The following ZNF423 variants were observed in gnomAD, a reference collection of about 807,000 sequenced individuals.
The protein encoded by ZNF423 is Ebf-associated zinc finger protein.
In ZNF423, 12 loss-of-function variants were observed where a neutral mutation model predicts 95.8. That is an observed-to-expected ratio of 0.13 (90% CI 0.08 to 0.20). The LOEUF is 0.20. ZNF423 is among the 10% of genes least tolerant of loss of function. The pLI, the probability that ZNF423 is intolerant of heterozygous loss-of-function variation, is 1.00. For missense variants in ZNF423, 1,316 were observed against 1,737.1 expected, an observed-to-expected ratio of 0.76 and a Z score of 4.31; for synonymous variants, 749 against 711.9, an observed-to-expected ratio of 1.05 and a Z score of -0.83.
chr16:49,725,594 G>C (rs929110254), intron 3 of ZNF423, among the ~76,000 whole-genome samples: 3 of 152,140 alleles, frequency 2.0e-5, no homozygotes, highest in Non-Finnish European at 2.9e-5. Flanking sequence ...TGAGAAACAC[G>C]TGAAAGACAA....
At chr16:49,731,429 C>T (rs2033165373) in intron 2 of ZNF423, 4 of 957,892 alleles carry the variant, frequency 4.2e-6, no homozygotes, top group Non-Finnish European at 5.0e-6. Context: ...AGGGCAGTGA[C>T]GTTGGCTCAG....
intron 7 of ZNF423, among the ~76,000 whole-genome samples, chr16:49,491,550 T>TGC (rs1257728078): frequency 1.3e-5 from 2 of 149,598 alleles, no homozygotes; most frequent in Non-Finnish European, 3.0e-5. Context: ...GGCTTTTTTT[T>TGC]TTTTTTTTTT....
intron 1 of ZNF423, among the ~76,000 whole-genome samples, chr16:49,852,469 CAG>C (rs995473036): frequency 6.6e-6 from 1 of 152,242 alleles, no homozygotes; most frequent in African/African-American, 2.4e-5. Flanking sequence ...TGTTGAGTGA[CAG>C]AGAGAACTGC....
chr16:49,652,038 C>T (rs1032302681), intron 3 of ZNF423, among the ~76,000 whole-genome samples: 1 of 152,082 alleles, frequency 6.6e-6, no homozygotes, highest in East Asian at 1.9e-4. Flanking sequence ...AGATGGAGCC[C>T]AACGCTCTCA....
rs1034708547 is a variant in ZNF423, at chr16:49,638,477, A to T, written c.699T>A (p.Thr233=). The T allele has an allele frequency of 1.2e-6, 2 of 1,613,648 alleles. No homozygotes were observed. The highest frequency in any genetic ancestry group is 1.7e-5 in the Admixed American group (1 of 60,000). Residue 233 remains threonine, a synonymous_variant, in exon 4 of 8, where the codon ACT becomes ACA. Coordinates refer to ENST00000563137, the MANE Select transcript of ZNF423 (RefSeq NM_001379286.1). The surrounding 1 kb of genome is among the most constrained non-coding windows in gnomAD (Gnocchi z 5.6). ...TGGAGGAGAAGCCGCGCTTGCACAC[A>T]GTGCACTTGAAGGGCTTGCTGGAGC... ...THSSSKPFKC[T]VCKRGFSSTS...
chr16:49,651,983 C>T (rs1973425292), intron 3 of ZNF423, among the ~76,000 whole-genome samples: 1 of 152,208 alleles, frequency 6.6e-6, no homozygotes, highest in Admixed American at 6.5e-5. Flanking sequence ...ATTTACAATC[C>T]CAGGACATCA....
intron 2 of ZNF423, 40 bp downstream of exon 2, chr16:49,789,447 G>A: frequency 6.3e-7 from 1 of 1,594,172 alleles, no homozygotes; most frequent in Non-Finnish European, 8.5e-7. Flanking sequence ...CCAGCCCCCA[G>A]GACCCCCTGC....
chr16:49,783,564 G>A (rs963184630), intron 2 of ZNF423, among the ~76,000 whole-genome samples: 1 of 141,848 alleles, frequency 7.0e-6, no homozygotes, highest in Non-Finnish European at 1.5e-5. Flanking sequence ...GGCTGAAATG[G>A]GTGGGAAAGA....
intron 3 of ZNF423, among the ~76,000 whole-genome samples, chr16:49,646,300 T>C (rs1005260877): frequency 2.0e-5 from 3 of 152,168 alleles, no homozygotes; most frequent in Non-Finnish European, 4.4e-5. Flanking sequence ...ATGATCCAAA[T>C]TGAGCTCAAG....
chr16:49,541,719 G>T (rs1348998854), intron 5 of ZNF423, among the ~76,000 whole-genome samples: 1 of 152,128 alleles, frequency 6.6e-6, no homozygotes, highest in Admixed American at 6.5e-5. Flanking sequence ...AATCATGGGG[G>T]CAGTTCCCCC....
At chr16:49,845,599 G>A (rs2035236970) in intron 1 of ZNF423, among the ~76,000 whole-genome samples, 1 of 151,976 alleles carries the variant, frequency 6.6e-6, no homozygotes. Flanking sequence ...GGAACACAGT[G>A]GCATGATCAT....
chr16:49,719,665 A>G (rs893967421), intron 3 of ZNF423, among the ~76,000 whole-genome samples: 7 of 152,014 alleles, frequency 4.6e-5, no homozygotes, highest in Admixed American at 2.6e-4. Context: ...CCCTCACCCT[A>G]TCTCTCCTGA....
Position 49,638,215 on chromosome 16 carries a change from G to A in ZNF423, c.961C>T (p.His321Tyr). Reference protein sequence around the residue: ...VFVDENTLLAHIHQAHANQKH... With the variant: ...VFVDENTLLAYIHQAHANQKH... The stretch of plus-strand genomic sequence containing the variant: ...TGGTTGGCGTGGGCTTGGTGGATAT[G>A]GGCGAGCAGTGTGTTCTCGTCGACG... Residue 321 changes from histidine to tyrosine, a missense_variant, in exon 4 of 8, where the codon CAT becomes TAT. His to Tyr is a moderately conservative substitution (Grantham distance 83). Coordinates refer to ENST00000563137, the MANE Select transcript of ZNF423 (RefSeq NM_001379286.1). The surrounding 1 kb of genome is among the most constrained non-coding windows in gnomAD (Gnocchi z 5.6). 6.2e-7 allele frequency: 1 copy of A among 1,608,442 alleles called. No homozygotes were observed. The highest frequency in any genetic ancestry group is 8.5e-7 in the Non-Finnish European group (1 of 1,179,998).
At chr16:49,641,040 T>C (rs941259161) in intron 3 of ZNF423, among the ~76,000 whole-genome samples, 16 of 152,190 alleles carry the variant, frequency 1.1e-4, no homozygotes, top group Admixed American at 9.8e-4. Context: ...GGCTTCTTAT[T>C]ATTTTGATGT....
Position 49,655,477 on chromosome 16 carries a change from A to G in ZNF423, c.302-16603T>C, listed in dbSNP as rs374685508. On this transcript the variant is annotated intron_variant, in intron 3 of 7. Coordinates refer to ENST00000563137, the MANE Select transcript of ZNF423 (RefSeq NM_001379286.1). ...CAACGACCCAGGGCTCTCAACAGCCAAGATCAGGTGCCCCTGCAGGAGAAA... is the reference window on the plus strand; with the variant it reads ...CAACGACCCAGGGCTCTCAACAGCCGAGATCAGGTGCCCCTGCAGGAGAAA... Among the ~76,000 whole-genome samples the G allele has an allele frequency of 5.3e-5, 8 of 152,198 alleles. No individual in the cohort carries two copies. The South Asian group carries it at 6.2e-4, about 12-fold the overall frequency.
chr16:49,499,597 G>A (rs949239479), intron 7 of ZNF423, among the ~76,000 whole-genome samples: 13 of 152,152 alleles, frequency 8.5e-5, no homozygotes, highest in Admixed American at 7.2e-4. Flanking sequence ...CAGGTTTTCC[G>A]TGTTCTTGAG....
intron 5 of ZNF423, among the ~76,000 whole-genome samples, chr16:49,564,221 C>T (rs1055530809): frequency 4.6e-5 from 7 of 152,118 alleles, no homozygotes; most frequent in Non-Finnish European, 8.8e-5. Context: ...TTTATAATCG[C>T]AATGTAGTTA....
At chr16:49,648,651 C>CA (rs540618278) in intron 3 of ZNF423, among the ~76,000 whole-genome samples, 1,290 of 116,762 alleles carry the variant, frequency 0.011, 21 homozygotes, top group African/African-American at 0.04. Context: ...GACTCCATCT[C>CA]AAAAAAAAAA....
At chr16:49,788,182 G>T (rs1051077278) in intron 2 of ZNF423, among the ~76,000 whole-genome samples, 1 of 152,178 alleles carries the variant, frequency 6.6e-6, no homozygotes, top group African/African-American at 2.4e-5. Context: ...GTCACCAAGG[G>T]CCAGGGCACC....
Sources: gnomAD v4.1 joint callset for allele counts (sites outside exome capture counted in the v4.1 genomes callset) on GRCh38, gnomAD v4.1.1 for gene constraint, Gnocchi (gnomAD v3.1) non-coding constraint, MANE v1.5 for transcripts, NCBI Gene and HGNC (gene_info 2026-07-23, HGNC 2026-07-21) for gene names.